Variants in TENM2 observed in about 807,000 individuals in gnomAD.
The protein encoded by TENM2 is teneurin transmembrane protein 2.
In TENM2, 52 loss-of-function variants were observed where a neutral mutation model predicts 245.2. That is an observed-to-expected ratio of 0.21 (90% confidence interval 0.17 to 0.27). The LOEUF is 0.27. Ranked by LOEUF, TENM2 falls within the 10% of genes least tolerant of loss-of-function variation. TENM2 has a pLI of 1.00. For synonymous variants in TENM2, 1,363 were observed against 1,438.9 expected (o/e 0.95, Z 1.19); for missense variants, 3,046 against 3,666.8 (o/e 0.83, Z 4.37).
intron 17 of TENM2, among the ~76,000 whole-genome samples, chr5:168,202,780 C>T (rs1762039195): frequency 6.6e-6 from 1 of 152,032 alleles, no homozygotes; most frequent in Non-Finnish European, 1.5e-5. Flanking sequence ...TTTTTTAAAG[C>T]TGCAGAGAAT....
intron 3 of TENM2, among the ~76,000 whole-genome samples, chr5:167,892,134 C>T (rs1479491254): frequency 6.6e-6 from 1 of 152,164 alleles, no homozygotes; most frequent in African/African-American, 2.4e-5. Context: ...TGAATTACAA[C>T]ATTTCATGAG....
chr5:167,145,378 G>T, the TENM2 span, among the ~76,000 whole-genome samples: 3 of 152,246 alleles, frequency 2.0e-5, no homozygotes, highest in African/African-American at 7.2e-5. Context: ...AAAACGAGAT[G>T]CCACTACCAG....
At chr5:167,827,916 T>C (rs1055904728) in intron 2 of TENM2, among the ~76,000 whole-genome samples, 1 of 152,130 alleles carries the variant, frequency 6.6e-6, no homozygotes, top group African/African-American at 2.4e-5. Flanking sequence ...GTCTGCCACT[T>C]TACCAACTTC....
intron 6 of TENM2, among the ~76,000 whole-genome samples, chr5:168,052,804 T>C (rs1789222784): frequency 6.6e-6 from 1 of 152,116 alleles, no homozygotes; most frequent in African/African-American, 2.4e-5. Context: ...TGGAGCACAT[T>C]TCCTTCCTAC....
the TENM2 span, among the ~76,000 whole-genome samples, chr5:167,205,626 C>G: frequency 6.6e-6 from 1 of 152,096 alleles, no homozygotes; most frequent in Non-Finnish European, 1.5e-5. Context: ...TTTTCTACTG[C>G]TGCTTAACAA....
At chr5:167,158,846 C>CCCTTCTTCCTTCCTTCCTT in the TENM2 span, among the ~76,000 whole-genome samples, 2 of 86,028 alleles carry the variant, frequency 2.3e-5, no homozygotes, top group African/African-American at 9.8e-5. Flanking sequence ...TCCATAGCAG[C>CCCTTCTTCCTTCCTTCCTT]CCTTCCTTCC....
At chr5:167,793,709 G>A (rs1364592165) in intron 2 of TENM2, among the ~76,000 whole-genome samples, 1 of 151,842 alleles carries the variant, frequency 6.6e-6, no homozygotes, top group African/African-American at 2.4e-5. Context: ...GGTGGCACAG[G>A]CCTGTAGTCC....
At chr5:167,468,417 AAGG>A (rs1766806357) in intron 2 of TENM2, among the ~76,000 whole-genome samples, 1 of 152,210 alleles carries the variant, frequency 6.6e-6, no homozygotes, top group Non-Finnish European at 1.5e-5. Context: ...GAAATGGGAA[AAGG>A]AGGAAAAACA....
At chr5:167,972,477 A>G (rs1781861970) in intron 4 of TENM2, among the ~76,000 whole-genome samples, 2 of 152,160 alleles carry the variant, frequency 1.3e-5, no homozygotes, top group Non-Finnish European at 2.9e-5. Flanking sequence ...GGACATTTAG[A>G]TCGCTTTCAG....
the TENM2 span, among the ~76,000 whole-genome samples, chr5:167,059,036 G>A: frequency 6.6e-5 from 10 of 152,054 alleles, no homozygotes; most frequent in African/African-American, 2.4e-4. Context: ...TTGCCTTAGG[G>A]GAACCATGAA....
intron 19 of TENM2, among the ~76,000 whole-genome samples, chr5:168,208,456 G>A (rs908797504): frequency 2.0e-5 from 3 of 152,204 alleles, no homozygotes; most frequent in African/African-American, 4.8e-5. Flanking sequence ...TACCGGGCGG[G>A]GGGAAAGTGG....
At chr5:167,987,801 A>C (rs987376358) in intron 4 of TENM2, among the ~76,000 whole-genome samples, 1 of 152,210 alleles carries the variant, frequency 6.6e-6, no homozygotes, top group Admixed American at 6.5e-5. Context: ...CATGGGACAC[A>C]GTCTGAAGAT....
chr5:167,412,293 C>T (rs909916002), intron 2 of TENM2, among the ~76,000 whole-genome samples: 1 of 146,444 alleles, frequency 6.8e-6, no homozygotes, highest in African/African-American at 2.4e-5. Flanking sequence ...AGCATTATAG[C>T]CTGAGGAGAA....
rs368387982 is a variant in TENM2 at position 167,472,617 on chromosome 5, A to G, written c.502+97144A>G. Among the ~76,000 whole-genome samples the G allele has an allele frequency of 3.9e-5, 6 of 152,298 alleles. No homozygotes were observed. The South Asian group carries it at 8.3e-4, about 21-fold the overall frequency. On this transcript the variant is annotated intron_variant, in intron 2 of 28. Coordinates refer to ENST00000518659, the Ensembl canonical transcript of TENM2. ...CGGGAAAGAAAATGGTGGTGGTGACAGGGAAGTAATGGCTTCTTCCCTTTC... is the reference window on the plus strand; with the variant it reads ...CGGGAAAGAAAATGGTGGTGGTGACGGGGAAGTAATGGCTTCTTCCCTTTC...
rs539837029 is a variant in TENM2 at position 168,103,953 on chromosome 5, C to G, written c.1813+5826C>G. ...GAGTCTCCTGCTCCCCAGAACAGGG[C>G]ACCCCATCTCCCGGCTGTGGGCCAT... On this transcript the variant is annotated intron_variant, in intron 9 of 28. Transcript: ENST00000518659. Among the ~76,000 whole-genome samples the G allele has an allele frequency of 3.3e-5, 5 of 152,344 alleles. 1 individual carries two copies. Among genetic ancestry groups the G allele is most frequent in the African/African-American group, 1.2e-4 (5 of 41,594 alleles).
intron 2 of TENM2, among the ~76,000 whole-genome samples, chr5:167,855,106 C>G (rs1463291661): frequency 6.6e-6 from 1 of 152,166 alleles, no homozygotes; most frequent in Non-Finnish European, 1.5e-5. Flanking sequence ...TGAGGCCTCC[C>G]TCTTCTCCAT....
intron 4 of TENM2, among the ~76,000 whole-genome samples, chr5:167,990,198 G>A (rs1783560239): frequency 1.3e-5 from 2 of 152,164 alleles, no homozygotes; most frequent in Admixed American, 6.5e-5. Context: ...CTGGCTTTCT[G>A]CTGTGGATAT....
At chr5:167,969,473 CAGTCTCGGGTATGTCTTTATT>C (rs747169973) in intron 4 of TENM2, among the ~76,000 whole-genome samples, 30 of 152,138 alleles carry the variant, frequency 2.0e-4, no homozygotes, top group Non-Finnish European at 3.7e-4. Flanking sequence ...ATAAATTACC[CAGTCTCGGGTATGTCTTTATT>C]AGCAGCGTAA....
At chr5:167,931,031 C>T (rs2151704376) in intron 3 of TENM2, among the ~76,000 whole-genome samples, 1 of 152,278 alleles carries the variant, frequency 6.6e-6, no homozygotes, top group East Asian at 1.9e-4. Flanking sequence ...AGTGCAGCAC[C>T]ATTCTGACCA....
Sources: gnomAD v4.1 joint callset for allele counts (sites outside exome capture counted in the v4.1 genomes callset) on GRCh38, gnomAD v4.1.1 for gene constraint, MANE v1.5 for transcripts, NCBI Gene and HGNC (gene_info 2026-07-23, HGNC 2026-07-21) for gene names.